The following ESRRB variants were observed in gnomAD, a reference collection of about 807,000 sequenced individuals.
ESRRB encodes the protein steroid hormone receptor ERR2.
A neutral mutation model predicts 46.0 loss-of-function variants in ESRRB; 16 were observed. That is an observed-to-expected ratio of 0.35 (90% CI 0.24 to 0.53). The LOEUF is 0.53. Among genes scored for constraint, ESRRB ranks in the 20% least tolerant of loss-of-function variants. The probability of loss-of-function intolerance (pLI) is 0.93; values close to 1 mark genes in which losing one functional copy is unlikely to be tolerated. For missense variants in ESRRB, 488 were observed against 607.4 expected, an observed-to-expected ratio of 0.80 and a Z score of 2.07; for synonymous variants, 246 against 259.6, an observed-to-expected ratio of 0.95 and a Z score of 0.50.
intron 5 of ESRRB, among the ~76,000 whole-genome samples, chr14:76,483,773 T>C (rs1160504664): frequency 6.6e-6 from 1 of 152,218 alleles, no homozygotes; most frequent in African/African-American, 2.4e-5. Flanking sequence ...CCGTTTTTGG[T>C]TTGTCATGGC....
intron 1 of ESRRB, among the ~76,000 whole-genome samples, chr14:76,332,804 T>TA (rs369755262): frequency 0.12 from 1,537 of 12,702 alleles, 126 homozygotes; most frequent in Middle Eastern, 0.5. Context: ...ATATAATATA[T>TA]TTATATATTA....
intron 1 of ESRRB, among the ~76,000 whole-genome samples, chr14:76,380,486 G>A (rs1270646360): frequency 6.6e-6 from 1 of 152,168 alleles, no homozygotes; most frequent in Non-Finnish European, 1.5e-5. Flanking sequence ...CAAATTTAAG[G>A]GAAGAGATAG....
intron 1 of ESRRB, among the ~76,000 whole-genome samples, chr14:76,334,962 T>C (rs957542557): frequency 1.3e-5 from 2 of 152,168 alleles, no homozygotes; most frequent in African/African-American, 4.8e-5. Context: ...GAGGTGACTC[T>C]TCATTCTCTG....
At chr14:76,339,075 C>T (rs1884160636) in intron 1 of ESRRB, among the ~76,000 whole-genome samples, 1 of 152,134 alleles carries the variant, frequency 6.6e-6, no homozygotes, top group Non-Finnish European at 1.5e-5. Flanking sequence ...GTTATTTTCT[C>T]CTCTTTCCCA....
chr14:76,431,825 G>A (rs1020838689), intron 1 of ESRRB, among the ~76,000 whole-genome samples: 1 of 152,130 alleles, frequency 6.6e-6, no homozygotes, highest in South Asian at 2.1e-4. Context: ...CACAGATGAT[G>A]GACTTGACAC....
intron 1 of ESRRB, among the ~76,000 whole-genome samples, chr14:76,354,219 T>TTC (rs1595052871): frequency 3.6e-5 from 2 of 56,034 alleles, no homozygotes; most frequent in African/African-American, 1.8e-4. Context: ...CAGGGTCCTC[T>TTC]ACCCGCCCCC....
intron 1 of ESRRB, among the ~76,000 whole-genome samples, chr14:76,332,865 TAA>T (rs1280764305): frequency 0.039 from 1,073 of 27,504 alleles, 40 homozygotes; most frequent in Middle Eastern, 0.15. Context: ...TATTTATATA[TAA>T]TATATTTTTT....
At chr14:76,397,391 T>TG (rs1275534939) in intron 1 of ESRRB, among the ~76,000 whole-genome samples, 5 of 152,202 alleles carry the variant, frequency 3.3e-5, no homozygotes, top group African/African-American at 1.2e-4. Flanking sequence ...GTGACCGCTC[T>TG]GACTTTCCTT....
chr14:76,406,940 G>A (rs1371385581), intron 1 of ESRRB, among the ~76,000 whole-genome samples: 1 of 152,220 alleles, frequency 6.6e-6, no homozygotes, highest in Non-Finnish European at 1.5e-5. Flanking sequence ...TGCGGGCAGG[G>A]AATGTGTTGT....
chr14:76,365,021 C>G (rs539692683), intron 1 of ESRRB, among the ~76,000 whole-genome samples: 6 of 152,312 alleles, frequency 3.9e-5, no homozygotes, highest in African/African-American at 1.4e-4. Context: ...TATTTAAATT[C>G]ATTGAAATTT....
intron 1 of ESRRB, among the ~76,000 whole-genome samples, chr14:76,423,174 C>T (rs868313227): frequency 2.9e-4 from 39 of 133,624 alleles, no homozygotes; most frequent in South Asian, 5.0e-4. Context: ...GAGAGAGTCT[C>T]ACTCTGTCAC....
At chr14:76,484,918 G>A (rs981837057) in intron 5 of ESRRB, among the ~76,000 whole-genome samples, 10 of 152,200 alleles carry the variant, frequency 6.6e-5, no homozygotes, top group Non-Finnish European at 7.3e-5. Flanking sequence ...AGGATGTAGC[G>A]CGCTTAGTGT....
At chr14:76,415,138 G>A (rs1886643073) in intron 1 of ESRRB, among the ~76,000 whole-genome samples, 1 of 152,142 alleles carries the variant, frequency 6.6e-6, no homozygotes, top group African/African-American at 2.4e-5. Flanking sequence ...TTGGGGACTG[G>A]CAAGACGCTA....
At position 76,498,814 on chromosome 14, in the gene ESRRB, T is replaced by C. The variant is rs764189572; in HGVS notation, c.*356T>C. The C allele has an allele frequency of 1.7e-6, 1 of 577,514 alleles. No individual in the cohort carries two copies. The highest frequency in any genetic ancestry group is 3.4e-6 in the Non-Finnish European group (1 of 292,306). 35.8% of individuals were successfully genotyped at this position (577,514 alleles called of 1,614,324 possible). On this transcript the variant is annotated 3_prime_UTR_variant, in exon 7 of 7. Coordinates refer to ENST00000644823, the MANE Select transcript of ESRRB (RefSeq NM_001379180.1). ...CACCGAGCCACCAAGAGGCAGCATGTGCATTTCCTAACTCCCTTGCCCCCT... is the reference window on the plus strand; with the variant it reads ...CACCGAGCCACCAAGAGGCAGCATGCGCATTTCCTAACTCCCTTGCCCCCT...
At chr14:76,361,759 A>G (rs1884467247) in intron 1 of ESRRB, among the ~76,000 whole-genome samples, 1 of 152,186 alleles carries the variant, frequency 6.6e-6, no homozygotes, top group South Asian at 2.1e-4. Context: ...CTTAGCCCTG[A>G]CATTGTTGGG....
At chr14:76,360,447 A>G (rs1166829070) in intron 1 of ESRRB, among the ~76,000 whole-genome samples, 1 of 152,174 alleles carries the variant, frequency 6.6e-6, no homozygotes, top group East Asian at 1.9e-4. Context: ...GAGAGACAGC[A>G]TATGAAGAGG....
chr14:76,413,862 C>G (rs1482197581), intron 1 of ESRRB, among the ~76,000 whole-genome samples: 1 of 122,986 alleles, frequency 8.1e-6, no homozygotes, highest in African/African-American at 3.0e-5. Context: ...CCTGCACCAT[C>G]CCCACCCCTG....
chr14:76,390,376 C>T (rs1000848037), intron 1 of ESRRB, among the ~76,000 whole-genome samples: 43 of 152,110 alleles, frequency 2.8e-4, no homozygotes, highest in African/African-American at 1.0e-3. Flanking sequence ...GTAATCCCAC[C>T]TCCTTGGGAG....
intron 1 of ESRRB, among the ~76,000 whole-genome samples, chr14:76,343,073 T>C (rs1884210846): frequency 6.6e-6 from 1 of 152,130 alleles, no homozygotes; most frequent in Non-Finnish European, 1.5e-5. Context: ...ACTTCTGACC[T>C]CAGGCCTGAG....
Sources: gnomAD v4.1 joint callset for allele counts (sites outside exome capture counted in the v4.1 genomes callset) on GRCh38, gnomAD v4.1.1 for gene constraint, MANE v1.5 for transcripts, NCBI Gene and HGNC (gene_info 2026-07-23, HGNC 2026-07-21) for gene names.